SLC5A10: variants seen among roughly 807,000 people sequenced by gnomAD.
The protein encoded by SLC5A10 is sodium/mannose cotransporter SLC5A10.
Under a neutral mutation model 68.9 loss-of-function variants are expected in SLC5A10, and 55 were observed. That is an observed-to-expected ratio of 0.80 (90% CI 0.64 to 1.00). The LOEUF is 1.00. Among genes scored for constraint, SLC5A10 ranks in the 50% least tolerant of loss-of-function variants. The pLI, the probability that SLC5A10 is intolerant of heterozygous loss-of-function variation, is 0.00. For synonymous variants in SLC5A10, 344 were observed against 344.8 expected (o/e 1.00, Z 0.02); for missense variants, 732 against 819.3 (o/e 0.89, Z 1.30).
intron 9 of SLC5A10, among the ~76,000 whole-genome samples, chr17:18,999,361 G>A (rs1363803736): frequency 1.3e-5 from 2 of 152,184 alleles, no homozygotes; most frequent in East Asian, 1.9e-4. Flanking sequence ...TCCCATGCAG[G>A]GGTAGGGCTC....
chr17:18,992,205 C>T (rs562110461), intron 9 of SLC5A10, among the ~76,000 whole-genome samples: 31 of 152,268 alleles, frequency 2.0e-4, no homozygotes, highest in East Asian at 5.8e-4. Context: ...GTGGATCCGC[C>T]GGCCTTCTCC....
chr17:18,999,648 A>G lies in SLC5A10; in HGVS notation c.983-13762A>G, dbSNP rs529574553. The stretch of plus-strand genomic sequence containing the variant: ...GTAAGCACCTCATTAAGCTGCTTCT[A>G]TTCTCTCAGAGCCAAGCTGTGGGCC... On this transcript the variant is annotated intron_variant, in intron 9 of 14. Coordinates refer to ENST00000395645, the MANE Select transcript of SLC5A10 (RefSeq NM_001042450.4). Among the ~76,000 whole-genome samples, 8 of 152,346 alleles carry G rather than the reference A, an allele frequency of 5.3e-5. No homozygotes were observed. The South Asian group carries it at 1.7e-3, about 32-fold the overall frequency.
intron 9 of SLC5A10, among the ~76,000 whole-genome samples, chr17:18,981,179 G>C (rs2043123171): frequency 6.6e-6 from 1 of 152,214 alleles, no homozygotes; most frequent in Admixed American, 6.5e-5. Context: ...GGATCGCAGA[G>C]GAGTAGCCTG....
At chr17:19,016,983 C>T (rs982439853) in intron 11 of SLC5A10, among the ~76,000 whole-genome samples, 8 of 152,184 alleles carry the variant, frequency 5.3e-5, no homozygotes, top group African/African-American at 1.7e-4. Flanking sequence ...TTCCTGGCCT[C>T]CTCACCCAGA....
At position 19,019,773 on chromosome 17, in the gene SLC5A10, T is replaced by C; in HGVS notation, c.1471T>C (p.Phe491Leu). 6.2e-7 allele frequency: 1 copy of C among 1,613,148 alleles called. No individual in the cohort carries two copies. The highest frequency in any genetic ancestry group is 8.5e-7 in the Non-Finnish European group (1 of 1,179,806). The change falls in exon 13 of 15, where the codon TTC (phenylalanine) becomes CTC (leucine). Residue 491 changes from phenylalanine to leucine, a missense_variant. Transcript: ENST00000395645. ...GGGGGCCACGAGGCTGGTCCTGGAA[T>C]TCCTGAACCCAGCCCCACCGTGCGG... ...VVGATRLVLE[F>L]LNPAPPCGEP... is the part of the protein sequence containing the mutation.
rs578042935 is a variant in SLC5A10, at chr17:18,992,556, G to A, written c.982+15567G>A. On this transcript the variant is annotated intron_variant, in intron 9 of 14. Coordinates refer to ENST00000395645, the MANE Select transcript of SLC5A10 (RefSeq NM_001042450.4). ...GACAGGGCTTTAGGTCACAGAGGCA[G>A]GGAGCACAGGCGTGGGCCTCCTCAA... is the stretch of plus-strand genomic sequence containing the variant. Among the ~76,000 whole-genome samples the A allele has an allele frequency of 5.3e-5, 8 of 152,362 alleles. No individual in the cohort carries two copies. In the East Asian group the frequency reaches 1.5e-3, roughly 29 times the overall value.
chr17:19,001,118 T>C (rs73981285), intron 9 of SLC5A10, among the ~76,000 whole-genome samples: 10,614 of 152,184 alleles, frequency 0.07, 683 homozygotes, highest in South Asian at 0.32. Context: ...ATGAGACAGA[T>C]AACACTAGCT....
At chr17:18,977,608 C>T in intron 9 of SLC5A10, 2 of 1,609,294 alleles carry the variant, frequency 1.2e-6, no homozygotes, top group South Asian at 2.2e-5. Flanking sequence ...CTGTGGAGCG[C>T]TGGGCCTGCA....
At chr17:19,007,476 C>T (rs2015439795) in intron 9 of SLC5A10, among the ~76,000 whole-genome samples, 2 of 152,110 alleles carry the variant, frequency 1.3e-5, no homozygotes, top group African/African-American at 4.8e-5. Context: ...AATGATAGCT[C>T]ACTGCAACCT....
chr17:18,951,575 T>C (rs754717456), upstream of SLC5A10: 1 of 152,376 alleles, frequency 6.6e-6, no homozygotes, highest in African/African-American at 2.4e-5. Flanking sequence ...CATGGTCAAG[T>C]TGAGGGGCCT....
intron 10 of SLC5A10, 93 bp from the exon 11 acceptor site, chr17:19,014,956 C>T (rs527495850): frequency 1.2e-5 from 17 of 1,454,750 alleles, no homozygotes; most frequent in African/African-American, 9.8e-5. Context: ...ATGCAAATGG[C>T]GGGCGGGCCT....
chr17:19,011,349 C>T (rs2044009468), intron 9 of SLC5A10, among the ~76,000 whole-genome samples: 1 of 152,144 alleles, frequency 6.6e-6, no homozygotes, highest in African/African-American at 2.4e-5. Context: ...GGGACTACGT[C>T]TGCAAAGGCA....
In SLC5A10 at chr17:19,017,056, G is replaced by A. The variant is rs183208093; in HGVS notation, c.1241+1857G>A. Among the ~76,000 whole-genome samples the A allele has an allele frequency of 5.0e-4, 76 of 152,184 alleles. No homozygotes were observed. The highest frequency in any genetic ancestry group is 1.7e-3 in the African/African-American group (71 of 41,534). On this transcript the variant is annotated intron_variant, in intron 11 of 14. Coordinates refer to ENST00000395645, the MANE Select transcript of SLC5A10 (RefSeq NM_001042450.4). This position sits in a 1 kb window ranked among gnomAD's most constrained non-coding sequence, Gnocchi z 5.6. ...GCTGCGCCAGCTCACCCAGCTGCCC[G>A]TGCCCTTGACCCTCCTTCCCACCTC...
At chr17:18,988,241 G>A (rs1302557375) in intron 9 of SLC5A10, 1 of 1,606,100 alleles carries the variant, frequency 6.2e-7, no homozygotes, top group South Asian at 1.1e-5. Flanking sequence ...TGAGGAGCCT[G>A]CTCACCTTGA....
chr17:19,010,559 TG>T (rs2043992288), intron 9 of SLC5A10, among the ~76,000 whole-genome samples: 1 of 152,216 alleles, frequency 6.6e-6, no homozygotes, highest in Admixed American at 6.5e-5. Flanking sequence ...CACAAACACT[TG>T]GTCAAACCAG....
At chr17:18,956,465 G>GTTTTTTTTTTTTTTTTTTTTTCTTT (rs2042504202) in intron 1 of SLC5A10, among the ~76,000 whole-genome samples, 2 of 98,010 alleles carry the variant, frequency 2.0e-5, no homozygotes, top group African/African-American at 3.8e-5. Flanking sequence ...TTTTCTTTCT[G>GTTTTTTTTTTTTTTTTTTTTTCTTT]TTTTTTTTTT....
chr17:18,959,577 AGTCCTCACCT>A lies in SLC5A10; in HGVS notation c.289-23_289-14del. 1 of 1,612,016 alleles carries A rather than the reference AGTCCTCACCT, an allele frequency of 6.2e-7. No individual in the cohort carries two copies. The highest frequency in any genetic ancestry group is 8.5e-7 in the Non-Finnish European group (1 of 1,178,876). ...GCAGAGCTGTGGGAGCTGCACCTGC[AGTCCTCACCT>A]GTCTCTGTCCCCATAGGCCACGTAC... On this transcript the variant is annotated splice_polypyrimidine_tract_variant and intron_variant, in intron 3 of 14. Transcript: ENST00000395645.
At chr17:18,966,171 T>A (rs2428376) in intron 5 of SLC5A10, among the ~76,000 whole-genome samples, 94,020 of 151,880 alleles carry the variant, frequency 0.62, 29,303 homozygotes, top group African/African-American at 0.67. Flanking sequence ...AGGAGCAGGG[T>A]AGTGGAAAGG....
At chr17:18,978,531 G>A in intron 9 of SLC5A10, 1 of 1,613,292 alleles carries the variant, frequency 6.2e-7, no homozygotes, top group Non-Finnish European at 8.5e-7. Context: ...GCCAGCGCTG[G>A]GCCTTTCAGC....
Sources: allele counts gnomAD v4.1 joint callset (sites outside exome capture counted in the v4.1 genomes callset), GRCh38; gene constraint gnomAD v4.1.1; non-coding constraint Gnocchi (gnomAD v3.1); transcripts MANE v1.5; gene names NCBI Gene and HGNC (gene_info 2026-07-23, HGNC 2026-07-21).